The following TNFRSF21 variants were observed in gnomAD, a reference collection of about 807,000 sequenced individuals.
TNFRSF21 encodes the protein tumor necrosis factor receptor superfamily member 21.
TNFRSF21 carries 19 observed loss-of-function variants against 45.6 expected under a neutral mutation model. That is an observed-to-expected ratio of 0.42 (90% CI 0.29 to 0.61). The LOEUF (loss-of-function observed/expected upper bound fraction) is 0.61, where lower values mean the gene tolerates loss of function less well. TNFRSF21 is among the 20% of genes least tolerant of loss of function. TNFRSF21 has a pLI of 0.23. For synonymous variants in TNFRSF21, 314 were observed against 335.5 expected, an observed-to-expected ratio of 0.94 and a Z score of 0.70; for missense variants, 737 against 851.5, an observed-to-expected ratio of 0.87 and a Z score of 1.67.
chr6:47,235,419 A>G (rs1764652827), intron 4 of TNFRSF21, among the ~76,000 whole-genome samples: 1 of 152,206 alleles, frequency 6.6e-6, no homozygotes, highest in Admixed American at 6.5e-5. Context: ...GAGGACACAG[A>G]CGCACACAGA....
At chr6:47,303,288 T>C (rs1320321285) in intron 1 of TNFRSF21, among the ~76,000 whole-genome samples, 1 of 152,260 alleles carries the variant, frequency 6.6e-6, no homozygotes, top group Non-Finnish European at 1.5e-5. Flanking sequence ...AGCCTTGCTA[T>C]GACTTAGCTT....
At chr6:47,301,455 G>A (rs1762863523) in intron 1 of TNFRSF21, among the ~76,000 whole-genome samples, 1 of 152,214 alleles carries the variant, frequency 6.6e-6, no homozygotes. Flanking sequence ...ACACATAAAA[G>A]AATAGCAAAG....
intron 4 of TNFRSF21, among the ~76,000 whole-genome samples, chr6:47,241,781 T>C (rs1050968482): frequency 6.6e-6 from 1 of 152,314 alleles, no homozygotes; most frequent in South Asian, 2.1e-4. Context: ...CAAGTAACTT[T>C]AAGAGAAAAA....
In TNFRSF21 at chr6:47,309,443, G is replaced by T; in HGVS notation, c.69C>A (p.Ala23=). 6.4e-7 allele frequency: 1 copy of T among 1,553,410 alleles called. No homozygotes were observed. Among genetic ancestry groups the T allele is most frequent in the African/African-American group, 1.4e-5 (1 of 70,808 alleles). The change falls in exon 1 of 6, where the codon GCC becomes GCA. Residue 23 remains alanine (A), a synonymous_variant. Transcript: ENST00000296861. The part of the protein sequence containing the change: ...SCSRIARRAT[A]TMIAGSLLLL... Reference sequence around the variant, plus strand: ...GGAGAAGGGAGCCCGCGATCATCGTGGCTGTGGCTCGGCGGGCGATGCGGC... The same window carrying T: ...GGAGAAGGGAGCCCGCGATCATCGTTGCTGTGGCTCGGCGGGCGATGCGGC...
chr6:47,286,693 A>G (rs538332168), intron 1 of TNFRSF21, 98 bp from the exon 2 acceptor site: 3 of 1,291,518 alleles, frequency 2.3e-6, no homozygotes, highest in African/African-American at 3.0e-5. Context: ...CACCACCATC[A>G]TCATTCCTGT....
At chr6:47,281,782 A>G (rs566067516) in intron 3 of TNFRSF21, among the ~76,000 whole-genome samples, 3 of 152,190 alleles carry the variant, frequency 2.0e-5, no homozygotes, top group African/African-American at 7.2e-5. Context: ...TATTCTTTGT[A>G]CTGTTGCTGC....
At chr6:47,296,700 G>A (rs914280204) in intron 1 of TNFRSF21, among the ~76,000 whole-genome samples, 1 of 152,188 alleles carries the variant, frequency 6.6e-6, no homozygotes, top group African/African-American at 2.4e-5. Flanking sequence ...GAGAGCTTCT[G>A]GACAGCTGAA....
intron 1 of TNFRSF21, among the ~76,000 whole-genome samples, chr6:47,302,741 C>T (rs569738869): frequency 6.6e-6 from 1 of 152,266 alleles, no homozygotes; most frequent in African/African-American, 2.4e-5. Flanking sequence ...ATTCTCTTTA[C>T]AGAAAACAAA....
At chr6:47,288,522 T>C (rs1762678670) in intron 1 of TNFRSF21, among the ~76,000 whole-genome samples, 1 of 151,942 alleles carries the variant, frequency 6.6e-6, no homozygotes, top group Non-Finnish European at 1.5e-5. Flanking sequence ...ATACCCTTTT[T>C]AGTGTCTCTA....
rs775135662 is a variant in TNFRSF21 at position 47,253,393 on chromosome 6, G to A, written c.1372C>T (p.Arg458Trp). The A allele has an allele frequency of 5.0e-6, 8 of 1,614,054 alleles. No individual in the cohort carries two copies. The highest frequency in any genetic ancestry group is 2.2e-5 in the East Asian group (1 of 44,896). ...FSNGYTADHERAYAALQHWTI... is the reference protein window; with the variant it reads ...FSNGYTADHEWAYAALQHWTI... The stretch of plus-strand genomic sequence containing the variant: ...CAGTGCTGCAGAGCTGCGTAGGCCC[G>A]CTCGTGGTCGGCTGTGTACCCATTG... The change falls in exon 4 of 6, where the codon CGG becomes TGG. Residue 458 changes from arginine to tryptophan, a missense_variant. Arg to Trp is a moderately radical substitution (Grantham distance 101, BLOSUM62 -3). Transcript: ENST00000296861.
At chr6:47,233,132 A>G (rs1441399577) in intron 5 of TNFRSF21, 138 bp from the exon 6 acceptor site, 1 of 718,930 alleles carries the variant, frequency 1.4e-6, no homozygotes, top group African/African-American at 1.8e-5. Context: ...CATTACAGTG[A>G]GAGAGTGAGT....
Position 47,249,766 on chromosome 6 carries a change from G to A in TNFRSF21, c.1509+3490C>T, listed in dbSNP as rs188390844. ...TCTAAGGTTGTAGTATCTGTAAAAT[G>A]GTAAAAAGTACACATTTATTGCCTA... On this transcript the variant is annotated intron_variant, in intron 4 of 5. Coordinates refer to ENST00000296861, the MANE Select transcript of TNFRSF21 (RefSeq NM_014452.5). Among the ~76,000 whole-genome samples the A allele has an allele frequency of 3.6e-3, 547 of 152,200 alleles. 3 individuals are homozygous for A. Among genetic ancestry groups the A allele is most frequent in the South Asian group, 0.021 (103 of 4,814 alleles).
chr6:47,284,953 A>C (rs1368377294), intron 2 of TNFRSF21, among the ~76,000 whole-genome samples: 1 of 152,256 alleles, frequency 6.6e-6, no homozygotes. Context: ...ATCTGTTATC[A>C]AAAGATTAAA....
chr6:47,253,581 G>A, intron 3 of TNFRSF21, 60 bp from the exon 4 acceptor site: 5 of 1,566,080 alleles, frequency 3.2e-6, no homozygotes, highest in Non-Finnish European at 4.3e-6. Flanking sequence ...TCTTACATAA[G>A]GCAGCTCTGC....
intron 1 of TNFRSF21, among the ~76,000 whole-genome samples, chr6:47,299,619 T>A (rs1161713622): frequency 1.3e-5 from 2 of 152,200 alleles, no homozygotes; most frequent in African/African-American, 4.8e-5. Context: ...TAACTCCTTC[T>A]CAATAGTTAT....
At chr6:47,273,152 T>G (rs898605586) in intron 3 of TNFRSF21, among the ~76,000 whole-genome samples, 1 of 152,202 alleles carries the variant, frequency 6.6e-6, no homozygotes, top group Admixed American at 6.5e-5. Flanking sequence ...GAATCCTCCC[T>G]AACTCATTTT....
At chr6:47,300,353 G>C (rs1019377877) in intron 1 of TNFRSF21, among the ~76,000 whole-genome samples, 8 of 152,056 alleles carry the variant, frequency 5.3e-5, no homozygotes, top group Admixed American at 3.9e-4. Flanking sequence ...CTCGCCATCA[G>C]CAAATCTCTC....
intron 2 of TNFRSF21, 53 bp from the exon 3 acceptor site, chr6:47,284,485 T>C (rs1052407426): frequency 3.3e-5 from 49 of 1,484,330 alleles, no homozygotes; most frequent in Non-Finnish European, 3.7e-5. Flanking sequence ...TGGGGATCTA[T>C]ACATTCCCTC....
intron 1 of TNFRSF21, 36 bp downstream of exon 1, chr6:47,309,380 G>GCGC (rs1178203730): frequency 2.0e-6 from 3 of 1,514,854 alleles, no homozygotes; most frequent in Admixed American, 4.0e-5. Context: ...TTCTGCTCCG[G>GCGC]CGCCGCCGCC....
Sources: gnomAD v4.1 joint callset for allele counts (sites outside exome capture counted in the v4.1 genomes callset) on GRCh38, gnomAD v4.1.1 for gene constraint, MANE v1.5 for transcripts, NCBI Gene and HGNC (gene_info 2026-07-23, HGNC 2026-07-21) for gene names.